The following COMMD10 variants were observed in gnomAD, a reference collection of about 807,000 sequenced individuals.
The protein encoded by COMMD10 is COMM domain containing 10.
COMMD10 carries 33 observed loss-of-function variants against 28.9 expected under a neutral mutation model. That is an observed-to-expected ratio of 1.14 (90% CI 0.87 to 1.53). The LOEUF (loss-of-function observed/expected upper bound fraction) is 1.53, where lower values mean the gene tolerates loss of function less well. COMMD10 is among the 40% of genes most tolerant of loss of function. COMMD10 has a pLI of 0.00. For missense variants in COMMD10, 310 were observed against 233.4 expected (o/e 1.33, Z -2.14); for synonymous variants, 110 against 81.7 (o/e 1.35, Z -1.87).
intron 5 of COMMD10, among the ~76,000 whole-genome samples, chr5:116,193,787 A>G (rs1340522608): frequency 6.6e-6 from 1 of 152,078 alleles, no homozygotes; most frequent in African/African-American, 2.4e-5. Flanking sequence ...CAAAGAAACA[A>G]TGAATTTGTA....
chr5:116,285,650 T>A (rs968184865), intron 5 of COMMD10, among the ~76,000 whole-genome samples: 1 of 152,034 alleles, frequency 6.6e-6, no homozygotes, highest in Non-Finnish European at 1.5e-5. Flanking sequence ...TGCAGTGTAA[T>A]ACACTAATCA....
chr5:116,204,888 A>AC (rs1748770211), intron 5 of COMMD10, among the ~76,000 whole-genome samples: 1 of 152,126 alleles, frequency 6.6e-6, no homozygotes. Flanking sequence ...TTTAGACAAC[A>AC]CATGCTGTTT....
chr5:116,242,383 C>T (rs1289580553), intron 5 of COMMD10, among the ~76,000 whole-genome samples: 1 of 152,158 alleles, frequency 6.6e-6, no homozygotes, highest in African/African-American at 2.4e-5. Flanking sequence ...GTCACTTTAA[C>T]ACATGTTTAT....
At chr5:116,238,086 A>G (rs1749721278) in intron 5 of COMMD10, among the ~76,000 whole-genome samples, 1 of 152,222 alleles carries the variant, frequency 6.6e-6, no homozygotes. Context: ...TGAAAATAGT[A>G]ATGCCCTAGA....
intron 5 of COMMD10, among the ~76,000 whole-genome samples, chr5:116,168,959 A>C (rs1033295358): frequency 6.6e-6 from 1 of 152,170 alleles, no homozygotes; most frequent in African/African-American, 2.4e-5. Context: ...AGCTAGCAGA[A>C]GACAAGAAAT....
chr5:116,259,918 C>A (rs1341457795), intron 5 of COMMD10, among the ~76,000 whole-genome samples: 1 of 151,660 alleles, frequency 6.6e-6, no homozygotes, highest in African/African-American at 2.4e-5. Flanking sequence ...CTCACACTTT[C>A]TTGTTTTAGC....
At chr5:116,227,537 T>G (rs528841150) in intron 5 of COMMD10, among the ~76,000 whole-genome samples, 1 of 152,220 alleles carries the variant, frequency 6.6e-6, no homozygotes, top group East Asian at 1.9e-4. Flanking sequence ...TCCACATTTA[T>G]GTTTTGTCTC....
chr5:116,114,901 T>C (rs1348596584), intron 4 of COMMD10, among the ~76,000 whole-genome samples: 4 of 152,142 alleles, frequency 2.6e-5, no homozygotes, highest in South Asian at 2.1e-4. Context: ...GCGGCTCTTA[T>C]TCTGCTCACA....
At chr5:116,144,000 G>C (rs1001250131) in intron 5 of COMMD10, among the ~76,000 whole-genome samples, 1 of 151,852 alleles carries the variant, frequency 6.6e-6, no homozygotes, top group African/African-American at 2.4e-5. Context: ...GAAGTTTTCA[G>C]ATGGAGGAAA....
intron 4 of COMMD10, among the ~76,000 whole-genome samples, chr5:116,108,034 T>A (rs993805955): frequency 6.6e-6 from 1 of 152,230 alleles, no homozygotes; most frequent in Admixed American, 6.5e-5. Context: ...TGCCTCTTGC[T>A]TCTTCCTGAA....
chr5:116,204,148 AT>A (rs1250242698), intron 5 of COMMD10, among the ~76,000 whole-genome samples: 23 of 152,122 alleles, frequency 1.5e-4, no homozygotes, highest in Admixed American at 2.6e-4. Flanking sequence ...AAAGAAGGCC[AT>A]TACATCATGG....
At chr5:116,106,923 C>T (rs1411719962) in intron 4 of COMMD10, among the ~76,000 whole-genome samples, 1 of 152,114 alleles carries the variant, frequency 6.6e-6, no homozygotes, top group African/African-American at 2.4e-5. Flanking sequence ...AGTCTTGACT[C>T]TTTATCCAAT....
At chr5:116,148,587 G>T (rs548672146) in intron 5 of COMMD10, among the ~76,000 whole-genome samples, 1 of 151,786 alleles carries the variant, frequency 6.6e-6, no homozygotes, top group Non-Finnish European at 1.5e-5. Flanking sequence ...ATCAGCAAAG[G>T]CTGGTGGAAT....
At chr5:116,181,336 G>A (rs971612627) in intron 5 of COMMD10, among the ~76,000 whole-genome samples, 1 of 151,088 alleles carries the variant, frequency 6.6e-6, no homozygotes, top group Non-Finnish European at 1.5e-5. Context: ...TTGTTTATCA[G>A]TGTTCTTATT....
intron 5 of COMMD10, among the ~76,000 whole-genome samples, chr5:116,229,967 CAA>C (rs562538581): frequency 1.3e-5 from 2 of 151,352 alleles, no homozygotes; most frequent in Admixed American, 1.3e-4. Context: ...TGAGCCCCCC[CAA>C]AAAAAAATCA....
At chr5:116,267,460 A>T (rs1320924938) in intron 5 of COMMD10, among the ~76,000 whole-genome samples, 1 of 151,912 alleles carries the variant, frequency 6.6e-6, no homozygotes, top group Non-Finnish European at 1.5e-5. Context: ...GACACAAACA[A>T]ATGGAAGAAC....
At chr5:116,131,833 A>G (rs1751873403) in intron 4 of COMMD10, among the ~76,000 whole-genome samples, 1 of 152,024 alleles carries the variant, frequency 6.6e-6, no homozygotes, top group Admixed American at 6.6e-5. Flanking sequence ...AAAATAACAG[A>G]GGAGGTGACA....
intron 5 of COMMD10, among the ~76,000 whole-genome samples, chr5:116,162,498 C>T (rs1752949212): frequency 6.6e-6 from 1 of 152,102 alleles, no homozygotes; most frequent in Admixed American, 6.5e-5. Flanking sequence ...ATTGGCATGG[C>T]AGTGACTGTT....
rs561509870 is a variant in COMMD10 at position 116,094,253 on chromosome 5, A to G, written c.399+1553A>G. Reference sequence around the variant, plus strand: ...GACACAACCTGACAAATGGGATAAAATATTTACAAACTATTGACTTAGCAA... The same window carrying G: ...GACACAACCTGACAAATGGGATAAAGTATTTACAAACTATTGACTTAGCAA... On this transcript the variant is annotated intron_variant, in intron 4 of 6. Coordinates refer to ENST00000274458, the MANE Select transcript of COMMD10 (RefSeq NM_016144.4). 2.0e-5 allele frequency among the ~76,000 whole-genome samples: 3 copies of G among 152,350 alleles called. No individual in the cohort carries two copies. In the South Asian group the frequency reaches 6.2e-4, roughly 32 times the overall value.
Sources: allele counts gnomAD v4.1 joint callset (sites outside exome capture counted in the v4.1 genomes callset), GRCh38; gene constraint gnomAD v4.1.1; transcripts MANE v1.5; gene names NCBI Gene and HGNC (gene_info 2026-07-23, HGNC 2026-07-21).